Variants in NRG1 observed in about 807,000 individuals in gnomAD.
The protein encoded by NRG1 is neuregulin 1, also known as pro-neuregulin-1, membrane-bound isoform.
In NRG1, 18 loss-of-function variants were observed where a neutral mutation model predicts 63.8. That is an observed-to-expected ratio of 0.28 (90% confidence interval 0.19 to 0.42). The LOEUF (loss-of-function observed/expected upper bound fraction) is 0.42. Ranked by LOEUF, NRG1 falls within the 10% of genes least tolerant of loss-of-function variation. The pLI, the probability that NRG1 is intolerant of heterozygous loss-of-function variation, is 1.00. For missense variants in NRG1, 762 were observed against 814.7 expected (o/e 0.94, Z 0.79); for synonymous variants, 302 against 301.3 (o/e 1.00, Z -0.02).
At chr8:32,045,065 C>T (rs766037044) in intron 1 of NRG1, among the ~76,000 whole-genome samples, 4 of 151,556 alleles carry the variant, frequency 2.6e-5, no homozygotes, top group African/African-American at 4.8e-5. Context: ...AATTGATGAA[C>T]CTCTTGCAAG....
At chr8:32,533,399 T>C (rs139478758) in intron 1 of NRG1, among the ~76,000 whole-genome samples, 96 of 152,244 alleles carry the variant, frequency 6.3e-4, no homozygotes, top group South Asian at 1.2e-3. Flanking sequence ...TTTTAGGCTA[T>C]GTCTGCATGG....
chr8:31,822,202 C>A (rs1421194708), intron 1 of NRG1, among the ~76,000 whole-genome samples: 3 of 152,160 alleles, frequency 2.0e-5, no homozygotes, highest in African/African-American at 7.2e-5. Context: ...TTTCCCTGAA[C>A]TCTAATTACC....
intron 1 of NRG1, among the ~76,000 whole-genome samples, chr8:31,874,500 G>C (rs1585418234): frequency 1.3e-5 from 2 of 152,236 alleles, no homozygotes; most frequent in Admixed American, 1.3e-4. Context: ...AATATTTACA[G>C]GGTACATGAG....
At chr8:31,978,013 C>G (rs11779889) in intron 1 of NRG1, among the ~76,000 whole-genome samples, 108,589 of 151,932 alleles carry the variant, frequency 0.71, 40,204 homozygotes, top group Non-Finnish European at 0.82. Context: ...TGAGGGAATG[C>G]CCTCTCAAAT....
At chr8:32,419,889 G>A (rs1816464875) in intron 1 of NRG1, among the ~76,000 whole-genome samples, 1 of 152,104 alleles carries the variant, frequency 6.6e-6, no homozygotes, top group Non-Finnish European at 1.5e-5. Flanking sequence ...AATCTGTGGG[G>A]TAATTGCTCA....
At chr8:31,880,316 A>T (rs890639312) in intron 1 of NRG1, among the ~76,000 whole-genome samples, 2 of 152,150 alleles carry the variant, frequency 1.3e-5, no homozygotes, top group African/African-American at 4.8e-5. Context: ...CCACCATTTT[A>T]GCTTTTGGGG....
At chr8:32,310,061 G>A (rs1856645743) in intron 1 of NRG1, among the ~76,000 whole-genome samples, 3 of 152,144 alleles carry the variant, frequency 2.0e-5, no homozygotes, top group Admixed American at 1.3e-4. Context: ...CCACAGGAGT[G>A]GCCAGTGCCC....
chr8:32,344,670 G>T lies in NRG1; in HGVS notation c.38-251158G>T, dbSNP rs374566540. ...GGATTTTGCCACATTGCCCAGGCTG[G>T]TCTTGAACTCCTGGGCTGAAGTGAT... is the stretch of plus-strand genomic sequence containing the variant. On this transcript the variant is annotated intron_variant, in intron 1 of 10. Coordinates refer to the NRG1 transcript ENST00000519301. 2.8e-5 allele frequency among the ~76,000 whole-genome samples: 4 copies of T among 144,532 alleles called. No individual in the cohort carries two copies. In the Admixed American group the frequency reaches 2.9e-4, roughly 10 times the overall value. The allele number at this position is 144,532 out of a possible 152,430, so 94.8% of individuals were successfully genotyped here.
chr8:31,873,427 C>T (rs998045776), intron 1 of NRG1, among the ~76,000 whole-genome samples: 8 of 152,216 alleles, frequency 5.3e-5, no homozygotes, highest in Non-Finnish European at 7.4e-5. Context: ...GGCGTGGTGG[C>T]GTGCGCCTAT....
At chr8:32,364,048 T>TA (rs1041243828) in intron 1 of NRG1, among the ~76,000 whole-genome samples, 128 of 148,462 alleles carry the variant, frequency 8.6e-4, no homozygotes, top group African/African-American at 3.0e-3. Flanking sequence ...AACACACTAT[T>TA]AACACTTTGG....
chr8:31,695,046 G>A (rs1409290060), intron 1 of NRG1, among the ~76,000 whole-genome samples: 1 of 152,184 alleles, frequency 6.6e-6, no homozygotes, highest in Non-Finnish European at 1.5e-5. Flanking sequence ...GGCTGTACAG[G>A]AAGCATGGTT....
chr8:32,485,891 A>G lies in NRG1; in HGVS notation c.38-109937A>G, dbSNP rs189691039. ...TTATCCTTGAATAAATGAGCCTTGC[A>G]AATTATATTTCCCCAATTTGCACTT... On this transcript the variant is annotated intron_variant, in intron 1 of 10. Coordinates refer to the NRG1 transcript ENST00000519301. 9.2e-5 allele frequency among the ~76,000 whole-genome samples: 14 copies of G among 152,260 alleles called. No individual in the cohort carries two copies. In the East Asian group the frequency reaches 2.7e-3, roughly 29 times the overall value.
exon 8 of NRG1, chr8:32,754,462 A>G (rs766295731): frequency 3.7e-6 from 6 of 1,613,744 alleles, no homozygotes; most frequent in Non-Finnish European, 5.1e-6. Context: ...GTGGTGGCCT[A>G]CTGCAAAACC....
At chr8:32,502,470 T>TTTTTTTTTTTTTTTTTTTTTTGAG (rs1554563261) in intron 1 of NRG1, among the ~76,000 whole-genome samples, 1 of 145,452 alleles carries the variant, frequency 6.9e-6, no homozygotes, top group Non-Finnish European at 1.5e-5. Context: ...GCTCATTCTT[T>TTTTTTTTTTTTTTTTTTTTTTGAG]AAAACCTTAT....
intron 1 of NRG1, among the ~76,000 whole-genome samples, chr8:32,508,296 T>A (rs1588035898): frequency 1.1e-4 from 3 of 27,604 alleles, no homozygotes; most frequent in Middle Eastern, 0.013. Context: ...ATAAGGGCCA[T>A]TTTTTTTTTT....
chr8:32,506,364 A>T lies in NRG1; in HGVS notation c.38-89464A>T, dbSNP rs73579863. Among the ~76,000 whole-genome samples, 569 of 152,300 alleles carry T rather than the reference A, an allele frequency of 3.7e-3. 7 individuals are homozygous for T. The highest frequency in any genetic ancestry group is 0.013 in the African/African-American group (550 of 41,574). On this transcript the variant is annotated intron_variant, in intron 1 of 10. Coordinates refer to the NRG1 transcript ENST00000519301. ...ATTTCTTTTTTATTGGGGACCCACAACAACATTTGCCCAAAGGGTCTGTAG... is the reference window on the plus strand; with the variant it reads ...ATTTCTTTTTTATTGGGGACCCACATCAACATTTGCCCAAAGGGTCTGTAG...
At chr8:31,666,258 C>T (rs558845240) in intron 1 of NRG1, among the ~76,000 whole-genome samples, 2 of 152,266 alleles carry the variant, frequency 1.3e-5, no homozygotes, top group East Asian at 1.9e-4. Context: ...GGAGACACTA[C>T]CTTCTTCAAG....
chr8:31,664,688 CGG>C (rs1444290655), intron 1 of NRG1, among the ~76,000 whole-genome samples: 42 of 152,228 alleles, frequency 2.8e-4, no homozygotes, highest in African/African-American at 9.9e-4. Flanking sequence ...GAGGATGGAA[CGG>C]TGTGTAGCGG....
chr8:32,158,980 C>T (rs1253281631), intron 1 of NRG1, among the ~76,000 whole-genome samples: 1 of 152,088 alleles, frequency 6.6e-6, no homozygotes, highest in Non-Finnish European at 1.5e-5. Flanking sequence ...TCAGTGCTGC[C>T]TCGCTGTGGA....
Sources: allele counts gnomAD v4.1 joint callset (sites outside exome capture counted in the v4.1 genomes callset), GRCh38; gene constraint gnomAD v4.1.1; transcripts MANE v1.5; gene names NCBI Gene and HGNC (gene_info 2026-07-23, HGNC 2026-07-21).